The following ZNF891 variants were observed in gnomAD, a reference collection of about 807,000 sequenced individuals.
ZNF891 encodes the protein hCG1646157.
For synonymous variants in ZNF891, 199 were observed against 209.0 expected, an observed-to-expected ratio of 0.95 and a Z score of 0.41; for missense variants, 589 against 632.7, an observed-to-expected ratio of 0.93 and a Z score of 0.74.
In ZNF891 at chr12:133,123,759, CAA is replaced by C. The variant is rs1491123098; in HGVS notation, c.-106-1737_-106-1736del. On this transcript the variant is annotated intron_variant, in intron 1 of 1. Coordinates refer to ENST00000537226, the MANE Select transcript of ZNF891 (RefSeq NM_001277291.2). ...CAAACAACAACAACAACAACAACAA[CAA>C]AGTTAGGCTTCCTCTTCAAGAAAGA... 2.0e-5 allele frequency among the ~76,000 whole-genome samples: 3 copies of C among 148,214 alleles called. No individual in the cohort carries two copies. The Admixed American group carries it at 2.0e-4, about 10-fold the overall frequency.
intron 1 of ZNF891, 23 bp from the exon 2 acceptor site, chr12:133,122,047 A>G (rs1955768283): frequency 3.5e-6 from 5 of 1,409,386 alleles, no homozygotes; most frequent in Non-Finnish European, 4.6e-6. Context: ...AAGCAAGTTC[A>G]GGTAAAAGAA....
intron 1 of ZNF891, among the ~76,000 whole-genome samples, chr12:133,128,438 C>T (rs1048617396): frequency 1.3e-5 from 2 of 152,106 alleles, no homozygotes; most frequent in African/African-American, 4.8e-5. Flanking sequence ...TCGAGACCAG[C>T]CTGGGCAACA....
In ZNF891 at chr12:133,106,933, A is replaced by AG; in HGVS notation, c.*13350dup. The stretch of plus-strand genomic sequence containing the variant: ...TGTTGAGAAGACTTCATTTGGTAGG[A>AG]GTCCCTTACTTTACGTGTGTAAATT... On this transcript the variant is annotated 3_prime_UTR_variant, in exon 2 of 2. Coordinates refer to ENST00000537226, the MANE Select transcript of ZNF891 (RefSeq NM_001277291.2). 4.0e-6 allele frequency: 1 copy of AG among 251,026 alleles called. No homozygotes were observed. The highest frequency in any genetic ancestry group is 7.9e-5 in the South Asian group (1 of 12,622). The allele number at this position is 251,026 out of a possible 1,614,324, so 15.5% of individuals were successfully genotyped here. A position where few individuals can be genotyped will look rare whatever the true frequency, so the allele number is the denominator to read the frequency against.
intron 1 of ZNF891, among the ~76,000 whole-genome samples, chr12:133,122,677 A>G (rs1955776415): frequency 6.6e-6 from 1 of 152,232 alleles, no homozygotes; most frequent in Non-Finnish European, 1.5e-5. Context: ...TGATAGGTGC[A>G]GCACATGTTT....
In ZNF891 at chr12:133,109,348, A is replaced by G. The variant is rs1955663641; in HGVS notation, c.*10936T>C. ...TCTTGGCATGGGAGGGGTTGGGTAAAATCTGCACAAGAGTCCAAGGGATGC... is the reference window on the plus strand; with the variant it reads ...TCTTGGCATGGGAGGGGTTGGGTAAGATCTGCACAAGAGTCCAAGGGATGC... On this transcript the variant is annotated 3_prime_UTR_variant, in exon 2 of 2. Transcript: ENST00000537226. The G allele has an allele frequency of 6.6e-6, 1 of 152,186 alleles. No individual in the cohort carries two copies. Among genetic ancestry groups the G allele is most frequent in the Non-Finnish European group, 1.5e-5 (1 of 68,026 alleles). The allele number at this position is 152,186 out of a possible 1,614,324, so 9.4% of individuals were successfully genotyped here.
rs992439593 is a variant in ZNF891, at chr12:133,118,844, C to T, written c.*1440G>A. 6.6e-6 allele frequency: 1 copy of T among 152,156 alleles called. No homozygotes were observed. Among genetic ancestry groups the T allele is most frequent in the Non-Finnish European group, 1.5e-5 (1 of 68,036 alleles). The allele number at this position is 152,156 out of a possible 1,614,324, so 9.4% of individuals were successfully genotyped here. ...TTCCTCTTCAAATGTGTACATCCAA[C>T]ATAAAACATTTAACTGTATATACTT... On this transcript the variant is annotated 3_prime_UTR_variant, in exon 2 of 2. Coordinates refer to ENST00000537226, the MANE Select transcript of ZNF891 (RefSeq NM_001277291.2).
Position 133,120,437 on chromosome 12 carries a change from C to T in ZNF891, c.1482G>A (p.Arg494=). 1 of 1,604,518 alleles carries T rather than the reference C, an allele frequency of 6.2e-7. No homozygotes were observed. Among genetic ancestry groups the T allele is most frequent in the Non-Finnish European group, 8.5e-7 (1 of 1,176,110 alleles). ...GGGAAGAGGAAACACTGAAGGCTTT[C>T]CTACATTCCTTACATTCATAGGGTT... ...GEKPYECKEC[R]KAFSVSSSLR... is the part of the protein sequence containing the mutation. Residue 494 remains arginine (R), a synonymous_variant, in exon 2 of 2, where the codon AGG becomes AGA. Coordinates refer to ENST00000537226, the MANE Select transcript of ZNF891 (RefSeq NM_001277291.2).
chr12:133,113,066 AT>A lies in ZNF891; in HGVS notation c.*7217del, dbSNP rs1418644642. ...AGAGCAAGACTCTGTCTCAAAAAAT[AT>A]ATATATATATATTTATATTTATTTA... On this transcript the variant is annotated 3_prime_UTR_variant, in exon 2 of 2. Transcript: ENST00000537226. The A allele has an allele frequency of 7.8e-6, 1 of 128,596 alleles. No homozygotes were observed. Among genetic ancestry groups the A allele is most frequent in the African/African-American group, 3.4e-5 (1 of 29,502 alleles). The allele number at this position is 128,596 out of a possible 1,614,324, so 8.0% of individuals were successfully genotyped here.
chr12:133,128,765 CCTGGAGACAGAGTGAA>C (rs1593833385), intron 1 of ZNF891, among the ~76,000 whole-genome samples: 1 of 150,286 alleles, frequency 6.7e-6, no homozygotes, highest in African/African-American at 2.4e-5. Flanking sequence ...TGCACTCCAG[CCTGGAGACAGAGTGAA>C]ACTCTGTCTC....
In ZNF891 at chr12:133,112,682, A is replaced by AT. The variant is rs1312422758; in HGVS notation, c.*7601dup. On this transcript the variant is annotated 3_prime_UTR_variant, in exon 2 of 2. Transcript: ENST00000537226. ...TCAGAGAAACTTATTTGTATCCTTC[A>AT]TATTTTGAATTCTGCCTAGAGTAAG... 6.6e-6 allele frequency: 1 copy of AT among 152,262 alleles called. No homozygotes were observed. Among genetic ancestry groups the AT allele is most frequent in the African/African-American group, 2.4e-5 (1 of 41,458 alleles). The allele number at this position is 152,262 out of a possible 1,614,324, so 9.4% of individuals were successfully genotyped here.
In ZNF891 at chr12:133,126,966, A is replaced by G. The variant is rs1465699481; in HGVS notation, c.-107+3261T>C. ...GAGGAAGAAACAAACAAGTACAGGA[A>G]AACTTTTTTTTTTTTTTTTTTTTTT... is the stretch of plus-strand genomic sequence containing the variant. On this transcript the variant is annotated intron_variant, in intron 1 of 1. Transcript: ENST00000537226. 2.8e-5 allele frequency among the ~76,000 whole-genome samples: 4 copies of G among 145,036 alleles called. No individual in the cohort carries two copies. In the South Asian group the frequency reaches 8.5e-4, roughly 31 times the overall value.
chr12:133,121,588 TGGC>T lies in ZNF891; in HGVS notation c.328_330del (p.Ala110del), dbSNP rs1185829812. On this transcript the variant is annotated inframe_deletion, in exon 2 of 2. Transcript: ENST00000537226. ...GGTTGAATCTTCTGGTCTGGACAGA[TGGC>T]TTGGGGAATTCTCTTTTTCATATTC... 1.0e-5 allele frequency: 16 copies of T among 1,536,572 alleles called. No homozygotes were observed. In the Admixed American group the frequency reaches 2.4e-4, roughly 23 times the overall value.
At chr12:133,129,428 G>A (rs1306868022) in intron 1 of ZNF891, among the ~76,000 whole-genome samples, 1 of 151,224 alleles carries the variant, frequency 6.6e-6, no homozygotes, top group East Asian at 1.9e-4. Context: ...TTGAACCCGG[G>A]AGGCGGAGGT....
At position 133,115,255 on chromosome 12, in the gene ZNF891, T is replaced by A. The variant is rs1448446804; in HGVS notation, c.*5029A>T. On this transcript the variant is annotated 3_prime_UTR_variant, in exon 2 of 2. Transcript: ENST00000537226. ...CTAAAAATACAAAATTAGCCAGGAG[T>A]GGTGGCACATGCCTGTAATCCCAGC... 1 of 150,258 alleles carries A rather than the reference T, an allele frequency of 6.7e-6. No homozygotes were observed. The highest frequency in any genetic ancestry group is 1.5e-5 in the Non-Finnish European group (1 of 67,624). The allele number at this position is 150,258 out of a possible 1,614,324, so 9.3% of individuals were successfully genotyped here. A position where few individuals can be genotyped will look rare whatever the true frequency, so the allele number is the denominator to read the frequency against.
rs1955536910 is a variant in ZNF891 at position 133,105,039 on chromosome 12, T to C, written c.*15245A>G. 1.3e-5 allele frequency among the ~76,000 whole-genome samples: 2 copies of C among 152,192 alleles called. No homozygotes were observed. Among genetic ancestry groups the C allele is most frequent in the African/African-American group, 4.8e-5 (2 of 41,470 alleles). ...TTCAGAAGGTAGAGTTGGAGGATCATAGGCAAGTTTTCAGAGAAACCGCTT... is the reference window on the plus strand; with the variant it reads ...TTCAGAAGGTAGAGTTGGAGGATCACAGGCAAGTTTTCAGAGAAACCGCTT... On this transcript the variant is annotated 3_prime_UTR_variant, in exon 2 of 2. Transcript: ENST00000537226.
Position 133,106,141 on chromosome 12 carries a change from C to T in ZNF891, c.*14143G>A, listed in dbSNP as rs1852852175. On this transcript the variant is annotated 3_prime_UTR_variant, in exon 2 of 2. Coordinates refer to ENST00000537226, the MANE Select transcript of ZNF891 (RefSeq NM_001277291.2). The stretch of plus-strand genomic sequence containing the variant: ...AAGCATTTAGCAGTGGCTCAGAACT[C>T]ATTCGCCACCAGATTACACATACTG... 6.2e-7 allele frequency: 1 copy of T among 1,614,080 alleles called. No homozygotes were observed. The highest frequency in any genetic ancestry group is 1.3e-5 in the African/African-American group (1 of 75,034).
At chr12:133,127,765 G>T (rs1955831419) in intron 1 of ZNF891, among the ~76,000 whole-genome samples, 1 of 152,182 alleles carries the variant, frequency 6.6e-6, no homozygotes, top group Non-Finnish European at 1.5e-5. Flanking sequence ...TGCCTACAGA[G>T]TAACTGATCA....
Position 133,120,913 on chromosome 12 carries a change from T to A in ZNF891, c.1006A>T (p.Thr336Ser). The change falls in exon 2 of 2, where the codon ACT becomes TCT. Residue 336 changes from threonine (T) to serine (S), a missense_variant. Thr to Ser is a moderately conservative substitution (Grantham distance 58, BLOSUM62 1). Transcript: ENST00000537226. ...GKAFKRISNL[T>S]LYKKSHMGEK... ...CCCATGTGACTTTTCTTGTATAAAG[T>A]AAGATTAGAAATCCTTTTGAAGGCT... 2.0e-6 allele frequency: 3 copies of A among 1,537,482 alleles called. No individual in the cohort carries two copies. Among genetic ancestry groups the A allele is most frequent in the Non-Finnish European group, 2.6e-6 (3 of 1,146,884 alleles).
rs1302454262 is a variant in ZNF891, at chr12:133,113,857, G to C, written c.*6427C>G. 3 of 152,032 alleles carry C rather than the reference G, an allele frequency of 2.0e-5. No individual in the cohort carries two copies. Among genetic ancestry groups the C allele is most frequent in the African/African-American group, 7.3e-5 (3 of 41,350 alleles). The allele number at this position is 152,032 out of a possible 1,614,324, so 9.4% of individuals were successfully genotyped here. A position where few individuals can be genotyped will look rare whatever the true frequency, so the allele number is the denominator to read the frequency against. ...CCTACCCCAGCATCCCTAGTGGCTGGGACCACAGATTCATGACACCATGGG... is the reference window on the plus strand; with the variant it reads ...CCTACCCCAGCATCCCTAGTGGCTGCGACCACAGATTCATGACACCATGGG... On this transcript the variant is annotated 3_prime_UTR_variant, in exon 2 of 2. Transcript: ENST00000537226.
Sources: gnomAD v4.1 joint callset for allele counts (sites outside exome capture counted in the v4.1 genomes callset) on GRCh38, gnomAD v4.1.1 for gene constraint, MANE v1.5 for transcripts, NCBI Gene and HGNC (gene_info 2026-07-23, HGNC 2026-07-21) for gene names.